The following EYS variants were observed in gnomAD, a reference collection of about 807,000 sequenced individuals.
EYS encodes the protein EGF-like photoreceptor maintenance factor.
Under a neutral mutation model 282.1 loss-of-function variants are expected in EYS, and 250 were observed. That is an observed-to-expected ratio of 0.89 (90% CI 0.80 to 0.98). The LOEUF is 0.98. EYS is among the 50% of genes least tolerant of loss of function. EYS has a pLI of 0.00. For synonymous variants in EYS, 1,355 were observed against 1,282.9 expected, an observed-to-expected ratio of 1.06 and a Z score of -1.20; for missense variants, 4,016 against 3,709.0, an observed-to-expected ratio of 1.08 and a Z score of -2.15.
At chr6:65,194,700 G>A (rs180787898) in intron 12 of EYS, among the ~76,000 whole-genome samples, 142 of 152,050 alleles carry the variant, frequency 9.3e-4, no homozygotes, top group African/African-American at 3.2e-3. Context: ...CTTGAGAACA[G>A]CGAAGCAAGC....
chr6:64,266,452 A>G (rs915076616), intron 30 of EYS, among the ~76,000 whole-genome samples: 4 of 152,142 alleles, frequency 2.6e-5, no homozygotes, highest in Admixed American at 2.0e-4. Flanking sequence ...AACAAAAATT[A>G]TATTCCTCAG....
intron 29 of EYS, among the ~76,000 whole-genome samples, chr6:64,335,900 T>G (rs918280007): frequency 6.6e-6 from 1 of 152,078 alleles, no homozygotes; most frequent in African/African-American, 2.4e-5. Context: ...GAAGAAACAA[T>G]ACAGTATTTT....
At chr6:63,798,846 T>C (rs1006498761) in intron 37 of EYS, among the ~76,000 whole-genome samples, 3 of 151,470 alleles carry the variant, frequency 2.0e-5, no homozygotes, top group African/African-American at 7.3e-5. Flanking sequence ...TACCACAGCA[T>C]AGAAGATCTA....
intron 33 of EYS, among the ~76,000 whole-genome samples, chr6:64,027,321 A>G (rs1769571184): frequency 1.3e-5 from 2 of 152,212 alleles, no homozygotes; most frequent in African/African-American, 4.8e-5. Flanking sequence ...TCAAGTGGCT[A>G]TGAGAGGCCT....
chr6:64,577,189 A>G (rs887091289), intron 26 of EYS, among the ~76,000 whole-genome samples: 1 of 152,110 alleles, frequency 6.6e-6, no homozygotes, highest in African/African-American at 2.4e-5. Context: ...ATTGTGAGAC[A>G]ATAAATCTCT....
intron 26 of EYS, among the ~76,000 whole-genome samples, chr6:64,536,584 C>T (rs901549663): frequency 1.3e-5 from 2 of 152,056 alleles, no homozygotes; most frequent in Admixed American, 6.5e-5. Flanking sequence ...TACCCTTTTT[C>T]CAAATTAATC....
At chr6:64,253,077 A>G (rs1767276924) in intron 30 of EYS, among the ~76,000 whole-genome samples, 1 of 152,128 alleles carries the variant, frequency 6.6e-6, no homozygotes, top group Admixed American at 6.6e-5. Flanking sequence ...TTTTAACTAT[A>G]TGTGAGGAAG....
chr6:65,476,572 T>G (rs146492207), intron 5 of EYS, among the ~76,000 whole-genome samples: 21 of 152,068 alleles, frequency 1.4e-4, no homozygotes, highest in African/African-American at 5.1e-4. Context: ...TACAAGCTAT[T>G]TCTAAAACTG....
intron 35 of EYS, among the ~76,000 whole-genome samples, chr6:63,890,124 G>T (rs1029893057): frequency 6.6e-6 from 1 of 152,132 alleles, no homozygotes; most frequent in African/African-American, 2.4e-5. Flanking sequence ...CAAGTTCCTA[G>T]AGACCTACAA....
intron 26 of EYS, among the ~76,000 whole-genome samples, chr6:64,499,362 C>T (rs552428269): frequency 4.0e-4 from 61 of 152,286 alleles, no homozygotes; most frequent in African/African-American, 1.4e-3. Flanking sequence ...GAAAATTCCC[C>T]TGGCTAACTA....
chr6:64,557,226 ACACACAC>A (rs1765262286), intron 26 of EYS, among the ~76,000 whole-genome samples: 1 of 28,046 alleles, frequency 3.6e-5, no homozygotes, highest in Admixed American at 4.7e-4. Context: ...ATACACACAC[ACACACAC>A]ACACACACAC....
intron 26 of EYS, among the ~76,000 whole-genome samples, chr6:64,454,231 T>A (rs1775475526): frequency 6.6e-6 from 1 of 152,170 alleles, no homozygotes; most frequent in Non-Finnish European, 1.5e-5. Flanking sequence ...CATTATCCTA[T>A]TCCATTTGAC....
chr6:64,695,715 G>C (rs1378161143), intron 22 of EYS, among the ~76,000 whole-genome samples: 1 of 151,492 alleles, frequency 6.6e-6, no homozygotes, highest in Admixed American at 6.6e-5. Flanking sequence ...CTCACAAGTA[G>C]CTGGGTTTAC....
At chr6:64,315,002 G>C (rs1304660803) in intron 29 of EYS, among the ~76,000 whole-genome samples, 3 of 151,854 alleles carry the variant, frequency 2.0e-5, no homozygotes, top group Non-Finnish European at 4.4e-5. Context: ...TTTTTGAAAA[G>C]ATCAACAAAC....
rs183731905 is a variant in EYS, at chr6:63,934,544, A to G, written c.7055+49839T>C. On this transcript the variant is annotated intron_variant, in intron 35 of 42. Coordinates refer to ENST00000503581, the MANE Select transcript of EYS (RefSeq NM_001142800.2). ...TCTGGATTAAGAAAATGTGGCACAT[A>G]CACACCATGGAATACTATGCAGCCA... 2.7e-3 allele frequency among the ~76,000 whole-genome samples: 410 copies of G among 152,314 alleles called. 5 individuals carry two copies. The highest frequency in any genetic ancestry group is 0.024 in the Admixed American group (370 of 15,304).
chr6:65,432,639 AT>A (rs1767929315), intron 5 of EYS, among the ~76,000 whole-genome samples: 2 of 152,228 alleles, frequency 1.3e-5, no homozygotes, highest in South Asian at 4.2e-4. Flanking sequence ...AGGTCAGACA[AT>A]TTAGGTCCTT....
intron 28 of EYS, among the ~76,000 whole-genome samples, chr6:64,416,737 T>G (rs140807879): frequency 6.6e-6 from 1 of 152,308 alleles, no homozygotes; most frequent in African/African-American, 2.4e-5. Flanking sequence ...TTAGTAAAAT[T>G]TTCTAAGTTC....
chr6:64,374,424 G>A (rs953194674), intron 29 of EYS, among the ~76,000 whole-genome samples: 1 of 151,322 alleles, frequency 6.6e-6, no homozygotes, highest in Non-Finnish European at 1.5e-5. Context: ...TGTGGGGTGG[G>A]TGCAGGGGAG....
At chr6:64,308,149 G>T (rs75780860) in intron 29 of EYS, among the ~76,000 whole-genome samples, 4,723 of 151,960 alleles carry the variant, frequency 0.031, 230 homozygotes, top group African/African-American at 0.11. Flanking sequence ...AAGAAGAATT[G>T]CTCTTCTAGG....
Sources: gnomAD v4.1 joint callset for allele counts (sites outside exome capture counted in the v4.1 genomes callset) on GRCh38, gnomAD v4.1.1 for gene constraint, MANE v1.5 for transcripts, NCBI Gene and HGNC (gene_info 2026-07-23, HGNC 2026-07-21) for gene names.